Variants in LMX1B observed in about 807,000 individuals in gnomAD.
LMX1B encodes LIM homeobox transcription factor 1 beta.
In LMX1B, 12 loss-of-function variants were observed where a neutral mutation model predicts 51.4. The ratio of observed to expected loss-of-function variants is 0.23; its 90% CI spans 0.15 to 0.38. The LOEUF is 0.38. Among genes scored for constraint, LMX1B ranks in the 10% least tolerant of loss-of-function variants. LMX1B has a pLI of 1.00. For synonymous variants in LMX1B, 237 were observed against 235.4 expected, an observed-to-expected ratio of 1.01 and a Z score of -0.06; for missense variants, 445 against 571.1, an observed-to-expected ratio of 0.78 and a Z score of 2.25.
chr9:126,618,650 T>C lies in LMX1B; in HGVS notation c.326+3081T>C, dbSNP rs1014321445. On this transcript the variant is annotated intron_variant, in intron 2 of 7. Coordinates refer to ENST00000373474, the MANE Select transcript of LMX1B (RefSeq NM_001174147.2). This position sits in a 1 kb window ranked among gnomAD's most constrained non-coding sequence, Gnocchi z 4.5. The stretch of plus-strand genomic sequence containing the variant: ...CCTCCACCGGAGAACAAATGAAAAA[T>C]AAGGCACTTTCCCCCCTCCCATGTT... Among the ~76,000 whole-genome samples, 1 of 151,920 alleles carries C rather than the reference T, an allele frequency of 6.6e-6. No individual in the cohort carries two copies. Among genetic ancestry groups the C allele is most frequent in the African/African-American group, 2.4e-5 (1 of 41,338 alleles).
At chr9:126,685,756 G>C (rs1836756962) in intron 2 of LMX1B, among the ~76,000 whole-genome samples, 1 of 152,146 alleles carries the variant, frequency 6.6e-6, no homozygotes, top group Non-Finnish European at 1.5e-5. Flanking sequence ...AGTTAGGGTG[G>C]TAAGTCCTGG....
At chr9:126,666,618 C>G (rs972543577) in intron 2 of LMX1B, among the ~76,000 whole-genome samples, 1 of 152,186 alleles carries the variant, frequency 6.6e-6, no homozygotes, top group Non-Finnish European at 1.5e-5. Flanking sequence ...ATGTGCTTTA[C>G]GTACGTGCTT....
intron 2 of LMX1B, among the ~76,000 whole-genome samples, chr9:126,624,610 C>T (rs374667014): frequency 8.3e-4 from 127 of 152,238 alleles, no homozygotes; most frequent in African/African-American, 2.8e-3. Context: ...GACCCCAGCC[C>T]CCTCCCTCCT....
At chr9:126,644,433 ATTC>A (rs1835863373) in intron 2 of LMX1B, among the ~76,000 whole-genome samples, 1 of 152,038 alleles carries the variant, frequency 6.6e-6, no homozygotes, top group African/African-American at 2.4e-5. Flanking sequence ...CTCCCACACT[ATTC>A]TTCTCCCGCA....
intron 2 of LMX1B, among the ~76,000 whole-genome samples, chr9:126,682,993 G>A (rs1477445965): frequency 6.6e-6 from 1 of 150,882 alleles, no homozygotes; most frequent in Admixed American, 6.6e-5. Context: ...ATGGCTCCCC[G>A]GGCTCCCGGC....
At chr9:126,660,944 G>A (rs893471874) in intron 2 of LMX1B, among the ~76,000 whole-genome samples, 3 of 152,212 alleles carry the variant, frequency 2.0e-5, no homozygotes, top group Non-Finnish European at 4.4e-5. Context: ...TGGAGAGTCA[G>A]AACAGGAGTG....
At chr9:126,652,298 G>GT (rs1554724849) in intron 2 of LMX1B, among the ~76,000 whole-genome samples, 2 of 149,156 alleles carry the variant, frequency 1.3e-5, no homozygotes, top group African/African-American at 4.9e-5. Context: ...GGAGGAGAAG[G>GT]GGGGGGGGAT....
At chr9:126,670,591 A>G (rs755101181) in intron 2 of LMX1B, among the ~76,000 whole-genome samples, 6 of 152,194 alleles carry the variant, frequency 3.9e-5, no homozygotes, top group Non-Finnish European at 5.9e-5. Context: ...CATTGTCAAC[A>G]TACACATATG....
chr9:126,696,373 C>G lies in LMX1B; in HGVS notation c.1131C>G (p.Asp377Glu), dbSNP rs529256518. 6.2e-7 allele frequency: 1 copy of G among 1,614,116 alleles called. No homozygotes were observed. The highest frequency in any genetic ancestry group is 8.5e-7 in the Non-Finnish European group (1 of 1,179,964). ...GCGACTGCTTCCTCGGCTCCTCAGA[C>G]GTGGGCTCCCTGCAGGCCCGCGTGG... ...SLSDCFLGSS[D>E]VGSLQARVGN... The change falls in exon 8 of 8, where the codon GAC becomes GAG. Residue 377 changes from aspartate to glutamate, a missense_variant. Around this residue, in one of 3 missense-constraint regions of LMX1B, gnomAD observed 162 missense variants for 187.8 expected, o/e 0.86. Coordinates refer to ENST00000373474, the MANE Select transcript of LMX1B (RefSeq NM_001174147.2).
At position 126,693,506 on chromosome 9, in the gene LMX1B, C is replaced by T. The variant is rs1234284553; in HGVS notation, c.742-18C>T. ...CTGCCCCTGGAGGGCCTGACCTGTTCCCCTCTCTCTGAGCCAGGTCCGAGA... is the reference window on the plus strand; with the variant it reads ...CTGCCCCTGGAGGGCCTGACCTGTTTCCCTCTCTCTGAGCCAGGTCCGAGA... On this transcript the variant is annotated intron_variant, in intron 4 of 7. Transcript: ENST00000373474. The T allele has an allele frequency of 2.5e-6, 4 of 1,613,142 alleles. No homozygotes were observed. The South Asian group carries it at 4.4e-5, about 18-fold the overall frequency.
intron 2 of LMX1B, among the ~76,000 whole-genome samples, chr9:126,675,846 G>A (rs1439967198): frequency 2.0e-5 from 3 of 149,492 alleles, no homozygotes; most frequent in East Asian, 2.0e-4. Flanking sequence ...TCAGGAGATC[G>A]AGACCATCCT....
At chr9:126,655,917 G>A (rs909021840) in intron 2 of LMX1B, among the ~76,000 whole-genome samples, 1 of 152,132 alleles carries the variant, frequency 6.6e-6, no homozygotes, top group South Asian at 2.1e-4. Context: ...TTCCCAAAAG[G>A]GTATAGACAG....
intron 2 of LMX1B, among the ~76,000 whole-genome samples, chr9:126,651,298 G>C (rs112409449): frequency 7.1e-6 from 1 of 140,312 alleles, no homozygotes; most frequent in Non-Finnish European, 1.6e-5. Flanking sequence ...AGGAGGGACT[G>C]GGGGGGGTGG....
At chr9:126,642,360 A>G (rs1368098827) in intron 2 of LMX1B, among the ~76,000 whole-genome samples, 1 of 152,166 alleles carries the variant, frequency 6.6e-6, no homozygotes, top group African/African-American at 2.4e-5. Context: ...CCCTGATGCC[A>G]GGGCTTCAGG....
chr9:126,660,769 A>G (rs1836229133), intron 2 of LMX1B, among the ~76,000 whole-genome samples: 1 of 152,126 alleles, frequency 6.6e-6, no homozygotes, highest in Admixed American at 6.5e-5. Flanking sequence ...TCACCTAACA[A>G]CAGTATTCCC....
In LMX1B at chr9:126,667,743, G is replaced by C. The variant is rs560375149; in HGVS notation, c.327-23093G>C. On this transcript the variant is annotated intron_variant, in intron 2 of 7. Transcript: ENST00000373474. ...CCACAGGTCTCTGGGGAGAGACCAAGACCGTGTGCCTTCAGAGAGTTTCCA... is the reference window on the plus strand; with the variant it reads ...CCACAGGTCTCTGGGGAGAGACCAACACCGTGTGCCTTCAGAGAGTTTCCA... Among the ~76,000 whole-genome samples, 97 of 152,342 alleles carry C rather than the reference G, an allele frequency of 6.4e-4. 3 individuals carry two copies. The South Asian group carries it at 0.02, about 31-fold the overall frequency.
chr9:126,632,726 G>C (rs902136159), intron 2 of LMX1B, among the ~76,000 whole-genome samples: 1 of 152,188 alleles, frequency 6.6e-6, no homozygotes, highest in Non-Finnish European at 1.5e-5. Context: ...TGGAACCCCA[G>C]GTACTCAGCT....
intron 2 of LMX1B, among the ~76,000 whole-genome samples, chr9:126,664,410 G>C (rs577559493): frequency 6.6e-6 from 1 of 152,208 alleles, no homozygotes; most frequent in Non-Finnish European, 1.5e-5. Context: ...CCCAGGGATG[G>C]GGGGGAGGCA....
At chr9:126,649,665 C>T (rs1420099171) in intron 2 of LMX1B, among the ~76,000 whole-genome samples, 1 of 152,064 alleles carries the variant, frequency 6.6e-6, no homozygotes, top group Admixed American at 6.6e-5. Flanking sequence ...TTGCTCTGTC[C>T]CCCAGGCTGG....
Sources: gnomAD v4.1 joint callset for allele counts (sites outside exome capture counted in the v4.1 genomes callset) on GRCh38, gnomAD v4.1.1 for gene constraint, gnomAD v4.1.1 regional missense constraint, Gnocchi (gnomAD v3.1) non-coding constraint, MANE v1.5 for transcripts, NCBI Gene and HGNC (gene_info 2026-07-23, HGNC 2026-07-21) for gene names.